The following NTRK3 variants were observed in gnomAD, a reference collection of about 807,000 sequenced individuals.
NTRK3 encodes neurotrophic receptor tyrosine kinase 3, also known as NT-3 growth factor receptor.
NTRK3 carries 24 observed loss-of-function variants against 91.7 expected under a neutral mutation model. The ratio of observed to expected loss-of-function variants is 0.26; its 90% CI spans 0.19 to 0.37. The LOEUF is 0.37. Ranked by LOEUF, NTRK3 falls within the 10% of genes least tolerant of loss-of-function variation. NTRK3 has a pLI of 1.00. For synonymous variants in NTRK3, 483 were observed against 404.0 expected, an observed-to-expected ratio of 1.20 and a Z score of -2.34; for missense variants, 880 against 1,068.9, an observed-to-expected ratio of 0.82 and a Z score of 2.46.
chr15:88,090,794 C>T (rs755313901), intron 13 of NTRK3, among the ~76,000 whole-genome samples: 3 of 152,154 alleles, frequency 2.0e-5, no homozygotes, highest in Non-Finnish European at 4.4e-5. Flanking sequence ...CGAACCCTGG[C>T]TGCTCCTTCC....
At chr15:87,952,235 AAAAGAAAAAG>A (rs766335241) in intron 14 of NTRK3, among the ~76,000 whole-genome samples, 2 of 151,284 alleles carry the variant, frequency 1.3e-5, no homozygotes, top group Admixed American at 6.6e-5. Context: ...GAAAGAAAAG[AAAAGAAAAAG>A]AAAGAAAGAG....
exon 5 of NTRK3, chr15:88,183,432 G>A: frequency 5.6e-6 from 9 of 1,614,040 alleles, no homozygotes; most frequent in Non-Finnish European, 7.6e-6. Context: ...AACGCAAATG[G>A]GGGTTCTTGG....
chr15:87,991,261 T>C (rs989333801), intron 14 of NTRK3, among the ~76,000 whole-genome samples: 1 of 152,126 alleles, frequency 6.6e-6, no homozygotes, highest in Non-Finnish European at 1.5e-5. Flanking sequence ...AAGGTTTGGA[T>C]CTCAGACTGA....
chr15:87,941,407 C>T (rs555009401), intron 14 of NTRK3, among the ~76,000 whole-genome samples: 1 of 152,178 alleles, frequency 6.6e-6, no homozygotes, highest in Non-Finnish European at 1.5e-5. Flanking sequence ...AAGAGCTTGG[C>T]CCAGTGATGA....
At chr15:88,071,326 G>A (rs553385814) in intron 13 of NTRK3, among the ~76,000 whole-genome samples, 7 of 152,372 alleles carry the variant, frequency 4.6e-5, no homozygotes, top group African/African-American at 1.4e-4. Context: ...TCCTTCCTGA[G>A]CACAAGCTGC....
intron 17 of NTRK3, among the ~76,000 whole-genome samples, chr15:87,906,766 C>G (rs917298919): frequency 6.6e-6 from 1 of 152,176 alleles, no homozygotes; most frequent in Non-Finnish European, 1.5e-5. Flanking sequence ...CACTAACTAC[C>G]ACCACCAACA....
chr15:87,895,040 T>C (rs1044487028), intron 17 of NTRK3, among the ~76,000 whole-genome samples: 3 of 152,280 alleles, frequency 2.0e-5, no homozygotes, highest in East Asian at 3.9e-4. Context: ...AACTGTACCT[T>C]GTCCAGCTCC....
intron 13 of NTRK3, among the ~76,000 whole-genome samples, chr15:88,064,149 G>A (rs2046447350): frequency 6.6e-6 from 1 of 152,182 alleles, no homozygotes; most frequent in Non-Finnish European, 1.5e-5. Flanking sequence ...TATAAGCTAA[G>A]AAATGTCTGG....
At chr15:87,886,762 ATATT>A (rs575510183) in intron 17 of NTRK3, among the ~76,000 whole-genome samples, 17 of 146,960 alleles carry the variant, frequency 1.2e-4, no homozygotes, top group Admixed American at 7.5e-4. Flanking sequence ...ATATATATAT[ATATT>A]TCTATGCTGT....
At chr15:88,076,953 G>A (rs1430453021) in intron 13 of NTRK3, among the ~76,000 whole-genome samples, 4 of 151,954 alleles carry the variant, frequency 2.6e-5, no homozygotes, top group Non-Finnish European at 5.9e-5. Context: ...AAATTAGCCG[G>A]GTGCAGTGCC....
intron 13 of NTRK3, among the ~76,000 whole-genome samples, chr15:88,118,293 A>G (rs1460959753): frequency 1.3e-5 from 2 of 152,208 alleles, no homozygotes; most frequent in Non-Finnish European, 2.9e-5. Context: ...GCCAAAGCCT[A>G]TCATCATGCC....
chr15:87,937,522 G>T (rs1040700740), intron 15 of NTRK3, among the ~76,000 whole-genome samples: 9 of 152,096 alleles, frequency 5.9e-5, no homozygotes, highest in African/African-American at 1.9e-4. Context: ...ACTAGAAATT[G>T]TGACTACTCA....
rs186039834 is a variant in NTRK3 at position 87,871,467 on chromosome 15, G to A, written c.*5468C>T. On this transcript the variant is annotated 3_prime_UTR_variant, in exon 19 of 19. Transcript: ENST00000394480. Reference sequence around the variant, plus strand: ...ATTCTCTCTGTCTCACCCCTCCTAGGGGGTGGTTTTCCCTGCAGTGCTGGT... The same window carrying A: ...ATTCTCTCTGTCTCACCCCTCCTAGAGGGTGGTTTTCCCTGCAGTGCTGGT... 248 of 230,672 alleles carry A rather than the reference G, an allele frequency of 1.1e-3. 2 individuals carry two copies. The highest frequency in any genetic ancestry group is 8.9e-3 in the South Asian group (49 of 5,498). The allele number at this position is 230,672 out of a possible 1,614,324, so 14.3% of individuals were successfully genotyped here. A position where few individuals can be genotyped will look rare whatever the true frequency, so the allele number is the denominator to read the frequency against.
exon 19 of NTRK3, chr15:87,874,326 G>C: frequency 1.6e-5 from 1 of 61,694 alleles, no homozygotes; most frequent in East Asian, 2.4e-4. Flanking sequence ...GCTTACAATG[G>C]ACACAGTAAG....
At chr15:88,180,094 C>G (rs1026326938) in intron 5 of NTRK3, among the ~76,000 whole-genome samples, 13 of 152,158 alleles carry the variant, frequency 8.5e-5, no homozygotes, top group African/African-American at 3.1e-4. Flanking sequence ...TCTCTGAACG[C>G]TCACTATTTC....
intron 13 of NTRK3, among the ~76,000 whole-genome samples, chr15:88,100,720 T>C (rs1347313898): frequency 1.3e-5 from 2 of 152,056 alleles, no homozygotes; most frequent in Non-Finnish European, 2.9e-5. Context: ...CCTCCTACCT[T>C]AAAAATCTGA....
intron 3 of NTRK3, among the ~76,000 whole-genome samples, chr15:88,224,212 G>C (rs1156247594): frequency 6.6e-6 from 1 of 152,188 alleles, no homozygotes; most frequent in Admixed American, 6.5e-5. Context: ...GTTCAGATCA[G>C]GATGCTCCCT....
intron 17 of NTRK3, among the ~76,000 whole-genome samples, chr15:87,896,810 A>T (rs1003825532): frequency 3.3e-5 from 5 of 152,172 alleles, no homozygotes; most frequent in African/African-American, 1.2e-4. Flanking sequence ...GTGACATCAG[A>T]CTTCTGACTT....
chr15:88,195,779 G>A lies in NTRK3; in HGVS notation c.249-11480C>T, dbSNP rs1477955126. Among the ~76,000 whole-genome samples the A allele has an allele frequency of 2.0e-5, 3 of 152,304 alleles. No homozygotes were observed. The East Asian group carries it at 5.8e-4, about 29-fold the overall frequency. ...TGACCCTTACTCCCCAAGGGGTCTT[G>A]GGGGGAAAAGCCTGAGTGAGAAGGA... On this transcript the variant is annotated intron_variant, in intron 3 of 18. Transcript: ENST00000394480.
Sources: allele counts gnomAD v4.1 joint callset (sites outside exome capture counted in the v4.1 genomes callset), GRCh38; gene constraint gnomAD v4.1.1; transcripts MANE v1.5; gene names NCBI Gene and HGNC (gene_info 2026-07-23, HGNC 2026-07-21).